FYB1: variants seen among roughly 807,000 people sequenced by gnomAD.
The protein encoded by FYB1 is FYN-binding protein 1.
In FYB1, 41 loss-of-function variants were observed where a neutral mutation model predicts 94.1. The observed-to-expected ratio is 0.44, with a 90% confidence interval of 0.34 to 0.57. The LOEUF (loss-of-function observed/expected upper bound fraction) is 0.57, where lower values mean the gene tolerates loss of function less well. Ranked by LOEUF, FYB1 falls within the 20% of genes least tolerant of loss-of-function variation. The pLI is 0.02. For missense variants in FYB1, 1,050 were observed against 976.8 expected (o/e 1.07, Z -1.00); for synonymous variants, 367 against 353.2 (o/e 1.04, Z -0.44).
intron 1 of FYB1, among the ~76,000 whole-genome samples, chr5:39,263,287 A>G (rs371886682): frequency 6.6e-6 from 1 of 152,164 alleles, no homozygotes; most frequent in Non-Finnish European, 1.5e-5. Flanking sequence ...CTCCTCCTAG[A>G]TGCACTGATG....
chr5:39,234,534 A>G (rs1750875684), intron 1 of FYB1, among the ~76,000 whole-genome samples: 1 of 152,218 alleles, frequency 6.6e-6, no homozygotes. Flanking sequence ...CAGCAATCCC[A>G]TTACTGGGTA....
rs538508812 is a variant in FYB1, at chr5:39,148,381, GTTTTTTTTTTTTTTTT to G, written c.1292+5051_1292+5066del. 2.5e-3 allele frequency among the ~76,000 whole-genome samples: 97 copies of G among 38,174 alleles called. 3 individuals carry two copies. The highest frequency in any genetic ancestry group is 6.2e-3 in the African/African-American group (84 of 13,496). 25.0% of individuals were successfully genotyped at this position (38,174 alleles called of 152,430 possible). On this transcript the variant is annotated intron_variant, in intron 3 of 18. Coordinates refer to ENST00000512982, the MANE Select transcript of FYB1 (RefSeq NM_001465.6). ...GCATTTAGCTTTTAATTATCAGCAG[GTTTTTTTTTTTTTTTT>G]TTTTTTTTTTTTTTTTTTTTTAAAG...
intron 2 of FYB1, among the ~76,000 whole-genome samples, chr5:39,197,909 T>C (rs1487173009): frequency 6.6e-6 from 1 of 152,208 alleles, no homozygotes; most frequent in Non-Finnish European, 1.5e-5. Flanking sequence ...GACTCTGGCA[T>C]CATAAATCAC....
chr5:39,110,784 C>T, intron 16 of FYB1: 1 of 362,532 alleles, frequency 2.8e-6, no homozygotes, highest in East Asian at 8.9e-5. Flanking sequence ...TTTTAAATAC[C>T]ACCAGATCTA....
chr5:39,134,813 G>A (rs779778037), intron 8 of FYB1, 42 bp downstream of exon 8: 16 of 1,605,180 alleles, frequency 1.0e-5, no homozygotes, highest in African/African-American at 6.7e-5. Flanking sequence ...ATATTGCCTC[G>A]CAAAGAAAAT....
chr5:39,170,373 C>T (rs1745140858), intron 2 of FYB1: 2 of 812,880 alleles, frequency 2.5e-6, no homozygotes, highest in Non-Finnish European at 3.7e-6. Flanking sequence ...CCTGAGGACT[C>T]TGGGCCAGCT....
chr5:39,138,682 T>A lies in FYB1; in HGVS notation c.1369A>T (p.Ser457Cys), dbSNP rs1241509309. ...ATGTCTTCATATGTTTCTCCTTCAC[T>A]GTCTTGTTCCTGTAAAGAAAAACAT... ...GAGNLDEEQD[S>C]EGETYEDIEA... The change falls in exon 6 of 19, where the codon AGT becomes TGT. Residue 457 changes from serine to cysteine, a missense_variant. Transcript: ENST00000512982. 6.6e-7 allele frequency: 1 copy of A among 1,523,452 alleles called. No homozygotes were observed. The highest frequency in any genetic ancestry group is 9.0e-7 in the Non-Finnish European group (1 of 1,106,218). 94.4% of individuals were successfully genotyped at this position (1,523,452 alleles called of 1,614,324 possible).
At chr5:39,132,060 A>G (rs1401795322) in intron 9 of FYB1, among the ~76,000 whole-genome samples, 1 of 152,156 alleles carries the variant, frequency 6.6e-6, no homozygotes, top group African/African-American at 2.4e-5. Flanking sequence ...CTTTTCTTCA[A>G]TGTTTCATAT....
At chr5:39,186,936 C>G (rs1746876208) in intron 2 of FYB1, among the ~76,000 whole-genome samples, 1 of 152,078 alleles carries the variant, frequency 6.6e-6, no homozygotes, top group Admixed American at 6.5e-5. Context: ...GCCGAGAACC[C>G]TCCTTGGGGT....
In FYB1 at chr5:39,254,663, T is replaced by G. The variant is rs1362811; in HGVS notation, c.-28+19740A>C. 8.6e-4 allele frequency among the ~76,000 whole-genome samples: 131 copies of G among 152,134 alleles called. 4 individuals carry two copies. Among genetic ancestry groups the G allele is most frequent in the African/African-American group, 3.0e-3 (123 of 41,480 alleles). On this transcript the variant is annotated intron_variant, in intron 1 of 1. Transcript: ENST00000510188. ...CAGGTTTTTGTAAAATTGCAAGCCT[T>G]GTGGAAAACATATTGGCAACTTGAG...
intron 16 of FYB1, chr5:39,110,690 C>T (rs1350517079): frequency 3.3e-6 from 1 of 304,238 alleles, no homozygotes; most frequent in Non-Finnish European, 6.2e-6. Context: ...GGCTGTAGCA[C>T]AGAGTTCAGT....
chr5:39,243,569 T>A (rs1162895030), intron 1 of FYB1, among the ~76,000 whole-genome samples: 1 of 152,114 alleles, frequency 6.6e-6, no homozygotes, highest in Non-Finnish European at 1.5e-5. Flanking sequence ...TGAAGTCAGG[T>A]GGCGTGATGC....
intron 17 of FYB1, 151 bp downstream of exon 17, chr5:39,110,205 C>T (rs1031709234): frequency 8.4e-6 from 4 of 474,548 alleles, no homozygotes; most frequent in African/African-American, 4.0e-5. Context: ...ATTATGGATA[C>T]TAACATGTTA....
rs537033590 is a variant in FYB1, at chr5:39,109,861, G to T, written c.2435+495C>A. Reference sequence around the variant, plus strand: ...TCATTGATGACTGTCTTTTTTTCTGGCATGCTTCCATAAAAGGCAACATAG... The same window carrying T: ...TCATTGATGACTGTCTTTTTTTCTGTCATGCTTCCATAAAAGGCAACATAG... On this transcript the variant is annotated intron_variant, in intron 17 of 18. Coordinates refer to ENST00000512982, the MANE Select transcript of FYB1 (RefSeq NM_001465.6). Among the ~76,000 whole-genome samples, 50 of 151,908 alleles carry T rather than the reference G, an allele frequency of 3.3e-4. 1 individual carries two copies. In the South Asian group the frequency reaches 9.1e-3, roughly 28 times the overall value.
chr5:39,115,549 G>T (rs1237724693), intron 16 of FYB1, among the ~76,000 whole-genome samples: 3 of 152,016 alleles, frequency 2.0e-5, no homozygotes, highest in African/African-American at 7.2e-5. Context: ...ATAATATTTG[G>T]GTAACATTGT....
At chr5:39,265,672 A>AAATG (rs1382690279) in intron 1 of FYB1, among the ~76,000 whole-genome samples, 1 of 152,050 alleles carries the variant, frequency 6.6e-6, no homozygotes, top group Non-Finnish European at 1.5e-5. Context: ...ATAAATAAAT[A>AAATG]AATGAATAAA....
chr5:39,252,076 C>T (rs924277693), intron 1 of FYB1, among the ~76,000 whole-genome samples: 12 of 152,108 alleles, frequency 7.9e-5, no homozygotes, highest in South Asian at 4.1e-4. Flanking sequence ...ACACGGGAGG[C>T]GGAGCTTGCA....
chr5:39,240,860 C>T (rs1184738015), intron 1 of FYB1, among the ~76,000 whole-genome samples: 2 of 152,098 alleles, frequency 1.3e-5, no homozygotes, highest in Non-Finnish European at 2.9e-5. Context: ...ACCACAAAGA[C>T]ACATGCATGT....
At chr5:39,180,415 CT>C (rs1746119000) in intron 2 of FYB1, among the ~76,000 whole-genome samples, 1 of 152,206 alleles carries the variant, frequency 6.6e-6, no homozygotes, top group South Asian at 2.1e-4. Flanking sequence ...TCCTCCCATC[CT>C]TATGTGTTAG....
Sources: allele counts gnomAD v4.1 joint callset (sites outside exome capture counted in the v4.1 genomes callset), GRCh38; gene constraint gnomAD v4.1.1; transcripts MANE v1.5; gene names NCBI Gene and HGNC (gene_info 2026-07-23, HGNC 2026-07-21).